Variants in SKA2 observed in about 807,000 individuals in gnomAD.
SKA2 encodes spindle and kinetochore associated complex subunit 2.
In SKA2, 13 loss-of-function variants were observed where a neutral mutation model predicts 16.9. The observed-to-expected ratio is 0.77, with a 90% CI of 0.50 to 1.22. SKA2 has a LOEUF of 1.22. Among genes scored for constraint, SKA2 ranks in the 50% most tolerant of loss-of-function variants. The pLI is 0.00. For synonymous variants in SKA2, 47 were observed against 48.5 expected (o/e 0.97, Z 0.13); for missense variants, 107 against 139.7 (o/e 0.77, Z 1.18).
At chr17:59,138,918 C>T (rs547934790) in intron 1 of SKA2, among the ~76,000 whole-genome samples, 7 of 152,320 alleles carry the variant, frequency 4.6e-5, no homozygotes, top group Non-Finnish European at 8.8e-5. Context: ...TCATTGCCAC[C>T]GTATGCTCTC....
chr17:59,140,369 C>G (rs967163218), intron 1 of SKA2, among the ~76,000 whole-genome samples: 1 of 151,972 alleles, frequency 6.6e-6, no homozygotes, highest in Non-Finnish European at 1.5e-5. Flanking sequence ...GCTGGGATTA[C>G]AGACACCTGC....
At chr17:59,148,087 G>A (rs2046547545) in intron 1 of SKA2, among the ~76,000 whole-genome samples, 1 of 151,924 alleles carries the variant, frequency 6.6e-6, no homozygotes, top group South Asian at 2.1e-4. Flanking sequence ...TAATCTGCCC[G>A]CTTCGGCCTC....
At chr17:59,154,674 C>A (rs2046608088) in intron 1 of SKA2, among the ~76,000 whole-genome samples, 1 of 152,162 alleles carries the variant, frequency 6.6e-6, no homozygotes, top group African/African-American at 2.4e-5. Context: ...AGAACGTGAG[C>A]GGGTTGGCCC....
Position 59,155,156 on chromosome 17 carries a change from G to T in SKA2, c.8C>A (p.Ala3Glu), listed in dbSNP as rs1314137396. The T allele has an allele frequency of 6.2e-7, 1 of 1,613,908 alleles. No homozygotes were observed. Among genetic ancestry groups the T allele is most frequent in the Non-Finnish European group, 8.5e-7 (1 of 1,179,878 alleles). ...CATCAGTTCCAGCTTATCGACCTCCGCCTCCATGTTGAATAGTTGACATTC... is the reference window on the plus strand; with the variant it reads ...CATCAGTTCCAGCTTATCGACCTCCTCCTCCATGTTGAATAGTTGACATTC... MEAEVDKLELMFQ... is the reference protein window; with the variant it reads MEEEVDKLELMFQ... Residue 3 changes from alanine (A) to glutamate (E), a missense_variant, in exon 1 of 4, where the codon GCG becomes GAG. Coordinates refer to ENST00000330137, the MANE Select transcript of SKA2 (RefSeq NM_182620.4).
chr17:59,119,201 T>C, intron 3 of SKA2, 118 bp downstream of exon 3: 2 of 1,116,594 alleles, frequency 1.8e-6, no homozygotes, highest in Non-Finnish European at 2.5e-6. Context: ...CAGGAAAATC[T>C]TTCAATAGTT....
rs2046341024 is a variant in SKA2 at position 59,122,374 on chromosome 17, A to G, written c.121-2879T>C. Among the ~76,000 whole-genome samples, 3 of 151,998 alleles carry G rather than the reference A, an allele frequency of 2.0e-5. No individual in the cohort carries two copies. The South Asian group carries it at 6.2e-4, about 31-fold the overall frequency. On this transcript the variant is annotated intron_variant, in intron 2 of 3. Coordinates refer to ENST00000330137, the MANE Select transcript of SKA2 (RefSeq NM_182620.4). ...CCTGCAAGTCCCAGCACTTTGGGAG[A>G]CCAAGAGGGGCAGATCACTTGAGGT...
chr17:59,130,242 A>C (rs1299907750), intron 2 of SKA2, among the ~76,000 whole-genome samples: 1 of 152,050 alleles, frequency 6.6e-6, no homozygotes, highest in Non-Finnish European at 1.5e-5. Context: ...AATCCAAAAA[A>C]AAATTTTTTT....
chr17:59,146,688 G>T (rs2046534758), intron 1 of SKA2, among the ~76,000 whole-genome samples: 1 of 151,982 alleles, frequency 6.6e-6, no homozygotes, highest in Admixed American at 6.6e-5. Context: ...TTGAGACAGG[G>T]TCTTGTTCTG....
At chr17:59,137,869 CAG>C (rs2046457960) in intron 1 of SKA2, 1 of 500,078 alleles carries the variant, frequency 2.0e-6, no homozygotes, top group African/African-American at 2.0e-5. Flanking sequence ...TGGTGATAAA[CAG>C]AATTTTTTTT....
intron 1 of SKA2, among the ~76,000 whole-genome samples, chr17:59,140,231 G>GC (rs2046477396): frequency 6.6e-6 from 1 of 151,016 alleles, no homozygotes; most frequent in African/African-American, 2.5e-5. Context: ...CAATCTGCAA[G>GC]CTTTTTTTTT....
At chr17:59,132,909 C>T (rs2046420652) in intron 1 of SKA2, among the ~76,000 whole-genome samples, 1 of 152,130 alleles carries the variant, frequency 6.6e-6, no homozygotes, top group South Asian at 2.1e-4. Context: ...TATGTTATGG[C>T]CTCTTTTTGT....
At position 59,111,206 on chromosome 17, in the gene SKA2, C is replaced by T. The variant is rs2046261874; in HGVS notation, c.*1071G>A. ...TGACTCCAAAGCCCAATCTTCACTA[C>T]AAAACTGCAATACCTGCTTTCCCTC... On this transcript the variant is annotated 3_prime_UTR_variant, in exon 4 of 4. Coordinates refer to ENST00000330137, the MANE Select transcript of SKA2 (RefSeq NM_182620.4). 2 of 152,182 alleles carry T rather than the reference C, an allele frequency of 1.3e-5. No homozygotes were observed. Among genetic ancestry groups the T allele is most frequent in the South Asian group, 4.1e-4 (2 of 4,832 alleles). The allele number at this position is 152,182 out of a possible 1,614,324, so 9.4% of individuals were successfully genotyped here. A position where few individuals can be genotyped will look rare whatever the true frequency, so the allele number is the denominator to read the frequency against.
intron 1 of SKA2, among the ~76,000 whole-genome samples, chr17:59,134,546 G>C (rs1406732001): frequency 6.6e-6 from 1 of 151,504 alleles, no homozygotes; most frequent in African/African-American, 2.4e-5. Context: ...GTAGTTCCTT[G>C]AATGGTAACT....
rs1249514485 is a variant in SKA2 at position 59,110,171 on chromosome 17, G to A, written c.*2106C>T. 6.6e-6 allele frequency: 1 copy of A among 152,128 alleles called. No homozygotes were observed. The highest frequency in any genetic ancestry group is 2.4e-5 in the African/African-American group (1 of 41,430). 9.4% of individuals were successfully genotyped at this position (152,128 alleles called of 1,614,324 possible). A position where few individuals can be genotyped will look rare whatever the true frequency, so the allele number is the denominator to read the frequency against. ...ATATTTAGGAGTCATCCACAAAGAG[G>A]CTTGAGAAACAAATGAAAATGTATT... On this transcript the variant is annotated 3_prime_UTR_variant, in exon 4 of 4. Coordinates refer to ENST00000330137, the MANE Select transcript of SKA2 (RefSeq NM_182620.4).
At chr17:59,121,865 G>C (rs2046337255) in intron 2 of SKA2, among the ~76,000 whole-genome samples, 1 of 149,846 alleles carries the variant, frequency 6.7e-6, no homozygotes, top group Admixed American at 6.6e-5. Flanking sequence ...CCAGCTACTC[G>C]GGAGGCTGAG....
At chr17:59,135,853 TA>T (rs1473378264) in intron 1 of SKA2, among the ~76,000 whole-genome samples, 2 of 148,952 alleles carry the variant, frequency 1.3e-5, no homozygotes, top group African/African-American at 4.9e-5. Context: ...TTAAAAAATA[TA>T]AAATAATTTT....
At chr17:59,140,597 T>C (rs1231262361) in intron 1 of SKA2, among the ~76,000 whole-genome samples, 1 of 151,380 alleles carries the variant, frequency 6.6e-6, no homozygotes, top group East Asian at 2.0e-4. Flanking sequence ...AAAGGCTAGT[T>C]TTATTTGTAC....
intron 1 of SKA2, chr17:59,137,952 A>G: frequency 2.7e-6 from 1 of 366,498 alleles, no homozygotes; most frequent in Non-Finnish European, 5.5e-6. Flanking sequence ...AAATCGCGCA[A>G]ATTTGATTCT....
At chr17:59,124,929 T>C (rs1385495145) in intron 2 of SKA2, among the ~76,000 whole-genome samples, 1 of 151,874 alleles carries the variant, frequency 6.6e-6, no homozygotes, top group Non-Finnish European at 1.5e-5. Flanking sequence ...GTTGTGCGCA[T>C]AGCCTGTTTT....
Sources: allele counts gnomAD v4.1 joint callset (sites outside exome capture counted in the v4.1 genomes callset), GRCh38; gene constraint gnomAD v4.1.1; transcripts MANE v1.5; gene names NCBI Gene and HGNC (gene_info 2026-07-23, HGNC 2026-07-21).